CSMD2: variants seen among roughly 807,000 people sequenced by gnomAD.
The protein encoded by CSMD2 is CUB and sushi domain-containing protein 2.
CSMD2 carries 130 observed loss-of-function variants against 398.5 expected under a neutral mutation model. The observed-to-expected ratio is 0.33, with a 90% CI of 0.28 to 0.38. The LOEUF is 0.38. CSMD2 is among the 10% of genes least tolerant of loss of function. The probability of loss-of-function intolerance (pLI) is 1.00; values close to 1 mark genes in which losing one functional copy is unlikely to be tolerated. For missense variants in CSMD2, 3,829 were observed against 4,764.9 expected, an observed-to-expected ratio of 0.80 and a Z score of 5.78; for synonymous variants, 1,828 against 1,908.5, an observed-to-expected ratio of 0.96 and a Z score of 1.10.
chr1:34,113,098 G>A (rs1661253790), intron 1 of CSMD2: 1 of 152,234 alleles, frequency 6.6e-6, no homozygotes, highest in African/African-American at 2.4e-5. Flanking sequence ...CCACCATTGT[G>A]AGCTAAGCTC....
chr1:34,096,868 AT>A (rs1659373204), intron 1 of CSMD2, among the ~76,000 whole-genome samples: 2 of 142,762 alleles, frequency 1.4e-5, no homozygotes, highest in Admixed American at 7.1e-5. Flanking sequence ...TGCCATCCCC[AT>A]CAAGCTACCA....
Position 33,678,826 on chromosome 1 carries a change from C to T in CSMD2, c.4052+14104G>A, listed in dbSNP as rs76464468. On this transcript the variant is annotated intron_variant, in intron 25 of 70. Transcript: ENST00000373381. ...TAGCAAAATAAAAGGCTCTTCTCTT[C>T]AGGGACCAGCTGGCATGCAAAAGAA... 6.1e-3 allele frequency among the ~76,000 whole-genome samples: 928 copies of T among 152,312 alleles called. 11 individuals are homozygous for T. The highest frequency in any genetic ancestry group is 0.021 in the African/African-American group (876 of 41,542).
intron 62 of CSMD2, among the ~76,000 whole-genome samples, chr1:33,536,152 G>C (rs1395947536): frequency 6.6e-6 from 1 of 152,138 alleles, no homozygotes; most frequent in African/African-American, 2.4e-5. Flanking sequence ...AGGTGAGTCC[G>C]ATATTTTCCT....
At chr1:33,572,152 T>C (rs1380874091) in intron 50 of CSMD2, among the ~76,000 whole-genome samples, 2 of 152,172 alleles carry the variant, frequency 1.3e-5, no homozygotes, top group Non-Finnish European at 2.9e-5. Flanking sequence ...GGATGGGACA[T>C]AGTCGAGGAG....
At chr1:33,794,691 T>C (rs1341183046) in intron 10 of CSMD2, among the ~76,000 whole-genome samples, 1 of 152,196 alleles carries the variant, frequency 6.6e-6, no homozygotes, top group Non-Finnish European at 1.5e-5. Context: ...AGATTTTTGT[T>C]CTAGGAGCAG....
intron 1 of CSMD2, among the ~76,000 whole-genome samples, chr1:34,123,245 T>C (rs762501970): frequency 6.6e-6 from 1 of 152,138 alleles, no homozygotes; most frequent in Non-Finnish European, 1.5e-5. Context: ...CAATGGCCAA[T>C]GGCTTAATTA....
rs111734414 is a variant in CSMD2 at position 34,024,233 on chromosome 1, T to G, written c.517+8361A>C. 1.4e-4 allele frequency among the ~76,000 whole-genome samples: 22 copies of G among 152,344 alleles called. 1 individual carries two copies. The highest frequency in any genetic ancestry group is 4.8e-4 in the African/African-American group (20 of 41,576). The stretch of plus-strand genomic sequence containing the variant: ...TACTTTGGGACTGATATATAGCAGG[T>G]GTTCAGTAAATATTTGTTGAATGAA... On this transcript the variant is annotated intron_variant, in intron 3 of 70. Transcript: ENST00000373381.
intron 3 of CSMD2, among the ~76,000 whole-genome samples, chr1:34,027,412 C>T (rs563515020): frequency 4.6e-5 from 7 of 152,294 alleles, no homozygotes; most frequent in African/African-American, 1.7e-4. Flanking sequence ...TGCTTGTGTA[C>T]TGTTGGTAGA....
chr1:33,581,785 G>A (rs1638747438), intron 47 of CSMD2, among the ~76,000 whole-genome samples: 1 of 151,638 alleles, frequency 6.6e-6, no homozygotes, highest in Non-Finnish European at 1.5e-5. Context: ...ATATAAAGCT[G>A]GATAACCCAT....
chr1:33,756,955 C>T (rs997672155), intron 13 of CSMD2, among the ~76,000 whole-genome samples: 7 of 152,248 alleles, frequency 4.6e-5, no homozygotes, highest in East Asian at 1.9e-4. Flanking sequence ...GGCACATATA[C>T]ACCATGGAAT....
chr1:34,128,208 C>A (rs1422748010), intron 1 of CSMD2, among the ~76,000 whole-genome samples: 1 of 152,102 alleles, frequency 6.6e-6, no homozygotes, highest in East Asian at 1.9e-4. Context: ...AAAACCCAGG[C>A]AGCTGACCCC....
intron 56 of CSMD2, among the ~76,000 whole-genome samples, chr1:33,549,144 G>A (rs1351066635): frequency 6.6e-6 from 1 of 152,138 alleles, no homozygotes; most frequent in East Asian, 1.9e-4. Flanking sequence ...CTAACTTTTG[G>A]GAGGCAGGCT....
chr1:33,861,349 T>C (rs1262831923), intron 5 of CSMD2: 1 of 152,218 alleles, frequency 6.6e-6, no homozygotes, highest in Non-Finnish European at 1.5e-5. Flanking sequence ...GTATTTTCTA[T>C]GGTTACTTTC....
At chr1:33,644,531 T>A (rs987745196) in intron 29 of CSMD2, among the ~76,000 whole-genome samples, 1 of 152,178 alleles carries the variant, frequency 6.6e-6, no homozygotes, top group Non-Finnish European at 1.5e-5. Flanking sequence ...TCGTAGTGAC[T>A]CTAAGTATCA....
intron 10 of CSMD2, among the ~76,000 whole-genome samples, chr1:33,808,129 CA>C (rs1386389357): frequency 6.6e-6 from 1 of 151,942 alleles, no homozygotes; most frequent in Non-Finnish European, 1.5e-5. Context: ...ATACATGAAG[CA>C]AAAATTGACA....
At chr1:33,962,678 C>A (rs781095144) in intron 3 of CSMD2, among the ~76,000 whole-genome samples, 3 of 152,114 alleles carry the variant, frequency 2.0e-5, no homozygotes, top group Non-Finnish European at 4.4e-5. Context: ...GCCTCTGGAC[C>A]TTTGTACTTG....
intron 25 of CSMD2, among the ~76,000 whole-genome samples, chr1:33,679,893 T>C (rs1207882044): frequency 6.6e-6 from 1 of 151,036 alleles, no homozygotes; most frequent in African/African-American, 2.4e-5. Context: ...TGTGTCTCTT[T>C]TAATGTTATT....
chr1:33,840,536 T>G (rs1660749272), intron 6 of CSMD2, among the ~76,000 whole-genome samples: 1 of 152,220 alleles, frequency 6.6e-6, no homozygotes. Flanking sequence ...TGCATCTATA[T>G]TCTGTGATGA....
Position 33,569,385 on chromosome 1 carries a change from A to T in CSMD2, c.8120T>A (p.Val2707Asp). ...MANGLWSGSE[V>D]RCLATQTKLH... ...CAGAGGTCACTTACCAAGGCAGCGGACTTCAGAGCCACTCCAGAGCCCATT... is the reference window on the plus strand; with the variant it reads ...CAGAGGTCACTTACCAAGGCAGCGGTCTTCAGAGCCACTCCAGAGCCCATT... The change falls in exon 52 of 71, where the codon GTC (valine) becomes GAC (aspartate). Residue 2707 changes from valine to aspartate, a missense_variant. By Grantham distance (152) the Val-to-Asp change is radical. Transcript: ENST00000373381. 6.2e-7 allele frequency: 1 copy of T among 1,613,654 alleles called. No individual in the cohort carries two copies. The highest frequency in any genetic ancestry group is 8.5e-7 in the Non-Finnish European group (1 of 1,179,768).
Sources: gnomAD v4.1 joint callset for allele counts (sites outside exome capture counted in the v4.1 genomes callset) on GRCh38, gnomAD v4.1.1 for gene constraint, MANE v1.5 for transcripts, NCBI Gene and HGNC (gene_info 2026-07-23, HGNC 2026-07-21) for gene names.